Variants in NCKAP5 observed in about 807,000 individuals in gnomAD.
NCKAP5 encodes NCK associated protein 5, also known as nck-associated protein 5.
A neutral mutation model predicts 167.0 loss-of-function variants in NCKAP5; 92 were observed. The ratio of observed to expected loss-of-function variants is 0.55; its 90% CI spans 0.47 to 0.66. NCKAP5 has a LOEUF of 0.66. Ranked by LOEUF, NCKAP5 falls within the 30% of genes least tolerant of loss-of-function variation. The probability of loss-of-function intolerance (pLI) is 0.00; values close to 1 mark genes in which losing one functional copy is unlikely to be tolerated. For missense variants in NCKAP5, 2,378 were observed against 2,315.0 expected, an observed-to-expected ratio of 1.03 and a Z score of -0.56; for synonymous variants, 891 against 877.4, an observed-to-expected ratio of 1.02 and a Z score of -0.27.
intron 5 of NCKAP5, among the ~76,000 whole-genome samples, chr2:133,191,202 G>A (rs2085203212): frequency 6.6e-6 from 1 of 152,166 alleles, no homozygotes; most frequent in Admixed American, 6.5e-5. Flanking sequence ...TCAGAAAAAT[G>A]CAAATCAAAA....
chr2:133,252,514 G>A (rs2088397242), intron 4 of NCKAP5, among the ~76,000 whole-genome samples: 1 of 152,104 alleles, frequency 6.6e-6, no homozygotes. Flanking sequence ...AGCAGCACAG[G>A]GACTGTCAGA....
At chr2:133,072,024 C>T (rs1175195107) in intron 6 of NCKAP5, among the ~76,000 whole-genome samples, 1 of 151,322 alleles carries the variant, frequency 6.6e-6, no homozygotes, top group African/African-American at 2.4e-5. Context: ...CCCATTCTTA[C>T]AAGATGCATG....
At chr2:133,401,058 G>A (rs916086886) in intron 3 of NCKAP5, among the ~76,000 whole-genome samples, 2 of 152,182 alleles carry the variant, frequency 1.3e-5, no homozygotes, top group Non-Finnish European at 2.9e-5. Flanking sequence ...AACCAACCAT[G>A]AAATTAGAGG....
chr2:133,113,177 C>A (rs1440359230), intron 6 of NCKAP5, among the ~76,000 whole-genome samples: 2 of 151,944 alleles, frequency 1.3e-5, no homozygotes, highest in Admixed American at 6.5e-5. Flanking sequence ...CCTCTCTTCC[C>A]CTAAGGATAG....
intron 3 of NCKAP5, among the ~76,000 whole-genome samples, chr2:133,424,766 T>C (rs1689688448): frequency 6.6e-6 from 1 of 152,194 alleles, no homozygotes; most frequent in Non-Finnish European, 1.5e-5. Context: ...AATCAGAATC[T>C]GCATTTCTAC....
intron 6 of NCKAP5, among the ~76,000 whole-genome samples, chr2:133,087,648 A>G (rs1420050480): frequency 6.6e-6 from 1 of 152,202 alleles, no homozygotes; most frequent in African/African-American, 2.4e-5. Context: ...GGCTTGATGC[A>G]CATCTCTACT....
intron 11 of NCKAP5, among the ~76,000 whole-genome samples, chr2:132,814,059 TACA>T (rs1371281449): frequency 3.3e-5 from 5 of 152,264 alleles, no homozygotes; most frequent in South Asian, 2.1e-4. Flanking sequence ...CCATTCATTT[TACA>T]ACATTTGTGA....
intron 8 of NCKAP5, among the ~76,000 whole-genome samples, chr2:132,943,307 A>T (rs1257226614): frequency 6.6e-6 from 1 of 152,252 alleles, no homozygotes; most frequent in Non-Finnish European, 1.5e-5. Context: ...AGTCACATGT[A>T]AAATATCCTC....
chr2:132,728,848 A>G lies in NCKAP5; in HGVS notation c.5548T>C (p.Trp1850Arg). 1.2e-6 allele frequency: 2 copies of G among 1,613,900 alleles called. No individual in the cohort carries two copies. Among genetic ancestry groups the G allele is most frequent in the Non-Finnish European group, 1.7e-6 (2 of 1,179,836 alleles). ...DPMASQPLPD[W>R]GSEVAATGTQ... Reference sequence around the variant, plus strand: ...CCGGTGGCAGCAACTTCACTCCCCCAGTCTGGAAGCGGCTGGCTTGCCATT... The same window carrying G: ...CCGGTGGCAGCAACTTCACTCCCCCGGTCTGGAAGCGGCTGGCTTGCCATT... Residue 1850 changes from tryptophan (W) to arginine (R), a missense_variant, in exon 18 of 20, where the codon TGG becomes CGG. Physicochemically the swap from Trp to Arg is moderately radical, Grantham distance 101. Around this residue, in one of 3 missense-constraint regions of NCKAP5, gnomAD observed 1,325 missense variants for 1,274.5 expected, o/e 1.04. Coordinates refer to ENST00000409261, the MANE Select transcript of NCKAP5 (RefSeq NM_207363.3).
upstream of NCKAP5, among the ~76,000 whole-genome samples, chr2:133,570,403 T>C (rs956355686): frequency 6.6e-6 from 1 of 152,194 alleles, no homozygotes; most frequent in African/African-American, 2.4e-5. Context: ...TGACCTATAG[T>C]AGGTGCTCAA....
At chr2:133,011,112 A>G (rs997009710) in intron 6 of NCKAP5, among the ~76,000 whole-genome samples, 1 of 152,230 alleles carries the variant, frequency 6.6e-6, no homozygotes, top group Non-Finnish European at 1.5e-5. Flanking sequence ...AAGCTGCTAC[A>G]GAATACCATG....
chr2:133,640,617 TA>T, the NCKAP5 span, among the ~76,000 whole-genome samples: 1 of 152,200 alleles, frequency 6.6e-6, no homozygotes, highest in African/African-American at 2.4e-5. Context: ...CACTTACAAA[TA>T]AAACACTTTC....
chr2:133,459,445 CAGA>C (rs769082225), intron 3 of NCKAP5, among the ~76,000 whole-genome samples: 8 of 152,142 alleles, frequency 5.3e-5, no homozygotes, highest in Non-Finnish European at 1.2e-4. Context: ...TGGGGCCTAT[CAGA>C]GGAGGCTCAT....
chr2:133,175,988 A>C (rs2084442982), intron 5 of NCKAP5, among the ~76,000 whole-genome samples: 1 of 152,202 alleles, frequency 6.6e-6, no homozygotes, highest in African/African-American at 2.4e-5. Flanking sequence ...GAGGGCTTTA[A>C]ATTAATTAGG....
chr2:132,795,329 T>C (rs1467002476), intron 12 of NCKAP5, among the ~76,000 whole-genome samples: 1 of 152,196 alleles, frequency 6.6e-6, no homozygotes, highest in East Asian at 1.9e-4. Flanking sequence ...TCATCAAAAA[T>C]GTGTATTAGC....
chr2:133,402,727 C>T (rs1449237287), intron 3 of NCKAP5, among the ~76,000 whole-genome samples: 1 of 152,148 alleles, frequency 6.6e-6, no homozygotes, highest in African/African-American at 2.4e-5. Context: ...TGCCTGCTCC[C>T]CCTTCACTTT....
chr2:133,243,250 C>G (rs13426705), intron 4 of NCKAP5, among the ~76,000 whole-genome samples: 3,355 of 152,182 alleles, frequency 0.022, 137 homozygotes, highest in African/African-American at 0.077. Flanking sequence ...AGAACCTTTC[C>G]TGTAAGTCCC....
chr2:133,672,454 T>C, the NCKAP5 span, among the ~76,000 whole-genome samples: 1 of 152,254 alleles, frequency 6.6e-6, no homozygotes, highest in Non-Finnish European at 1.5e-5. Flanking sequence ...ATAACATTCA[T>C]GCAACATTTC....
intron 8 of NCKAP5, among the ~76,000 whole-genome samples, chr2:132,952,921 A>G (rs1321148193): frequency 1.3e-5 from 2 of 152,218 alleles, no homozygotes; most frequent in African/African-American, 2.4e-5. Flanking sequence ...GATGGATTGA[A>G]GCACCACGAG....
Sources: gnomAD v4.1 joint callset for allele counts (sites outside exome capture counted in the v4.1 genomes callset) on GRCh38, gnomAD v4.1.1 for gene constraint, gnomAD v4.1.1 regional missense constraint, MANE v1.5 for transcripts, NCBI Gene and HGNC (gene_info 2026-07-23, HGNC 2026-07-21) for gene names.